KPNA4: variants seen among roughly 807,000 people sequenced by gnomAD.
KPNA4 encodes importin subunit alpha-3.
Under a neutral mutation model 71.3 loss-of-function variants are expected in KPNA4, and 13 were observed. The observed-to-expected ratio is 0.18, with a 90% CI of 0.12 to 0.29. The LOEUF is 0.29. Among genes scored for constraint, KPNA4 ranks in the 10% least tolerant of loss-of-function variants. The pLI, the probability that KPNA4 is intolerant of heterozygous loss-of-function variation, is 1.00. For synonymous variants in KPNA4, 189 were observed against 195.2 expected (o/e 0.97, Z 0.26); for missense variants, 334 against 603.2 (o/e 0.55, Z 4.67).
intron 10 of KPNA4, among the ~76,000 whole-genome samples, chr3:160,522,508 A>AG (rs1416572330): frequency 2.6e-5 from 4 of 151,480 alleles, no homozygotes; most frequent in Non-Finnish European, 5.9e-5. Flanking sequence ...CCCAGGCTGG[A>AG]GTGCAGCAGC....
chr3:160,518,620 G>A (rs928732093), intron 11 of KPNA4, among the ~76,000 whole-genome samples: 4 of 151,516 alleles, frequency 2.6e-5, no homozygotes, highest in Non-Finnish European at 4.4e-5. Context: ...AGCACTTTGG[G>A]AGGCCGAGGC....
rs1381160830 is a variant in KPNA4, at chr3:160,496,576, AT to A, written c.*5527del. 1 of 152,246 alleles carries A rather than the reference AT, an allele frequency of 6.6e-6. No homozygotes were observed. Among genetic ancestry groups the A allele is most frequent in the African/African-American group, 2.4e-5 (1 of 41,470 alleles). The allele number at this position is 152,246 out of a possible 1,614,324, so 9.4% of individuals were successfully genotyped here. A position where few individuals can be genotyped will look rare whatever the true frequency, so the allele number is the denominator to read the frequency against. ...GATATAGTCAGGGAAATTAGGATTC[AT>A]GCTTGAAGAGTAATAGAAAAACCTA... is the stretch of plus-strand genomic sequence containing the variant. On this transcript the variant is annotated 3_prime_UTR_variant, in exon 17 of 17. Coordinates refer to ENST00000334256, the MANE Select transcript of KPNA4 (RefSeq NM_002268.5).
At chr3:160,550,897 G>T (rs1722027111) in intron 1 of KPNA4, among the ~76,000 whole-genome samples, 1 of 152,164 alleles carries the variant, frequency 6.6e-6, no homozygotes, top group Admixed American at 6.5e-5. Flanking sequence ...TGTGCTATTG[G>T]ATTTGGTGCA....
intron 13 of KPNA4, among the ~76,000 whole-genome samples, chr3:160,513,249 G>GTTTTTTTTTT (rs946090860): frequency 3.7e-5 from 3 of 80,626 alleles, no homozygotes; most frequent in Non-Finnish European, 4.6e-5. Context: ...CTACTTTGTG[G>GTTTTTTTTTT]TTTTTTTTTT....
intron 13 of KPNA4, among the ~76,000 whole-genome samples, chr3:160,513,626 T>C (rs1425466692): frequency 2.6e-5 from 4 of 152,160 alleles, no homozygotes; most frequent in Non-Finnish European, 5.9e-5. Flanking sequence ...AGAGATGATA[T>C]GGCATACAAT....
chr3:160,511,375 G>A (rs1002365934), intron 13 of KPNA4, among the ~76,000 whole-genome samples: 1 of 152,162 alleles, frequency 6.6e-6, no homozygotes, highest in African/African-American at 2.4e-5. Context: ...AAAGTGCTGG[G>A]ATTACAGGCG....
chr3:160,515,939 G>A (rs1247083788), intron 11 of KPNA4, among the ~76,000 whole-genome samples: 1 of 151,870 alleles, frequency 6.6e-6, no homozygotes, highest in Non-Finnish European at 1.5e-5. Flanking sequence ...TAAAAGGCAT[G>A]TTAGGTACCT....
At chr3:160,563,148 AATGTGGT>A (rs1722278597) in intron 1 of KPNA4, among the ~76,000 whole-genome samples, 6 of 152,222 alleles carry the variant, frequency 3.9e-5, no homozygotes, top group Admixed American at 6.5e-5. Flanking sequence ...GGATAAATAA[AATGTGGT>A]ATATCCATGA....
chr3:160,551,950 G>C (rs866179414), intron 1 of KPNA4, among the ~76,000 whole-genome samples: 2,642 of 140,300 alleles, frequency 0.019, 128 homozygotes, highest in African/African-American at 0.062. Flanking sequence ...GGGGGGGGGG[G>C]GGTGATGTGC....
chr3:160,561,622 T>C (rs1722247942), intron 1 of KPNA4, among the ~76,000 whole-genome samples: 1 of 152,054 alleles, frequency 6.6e-6, no homozygotes, highest in Non-Finnish European at 1.5e-5. Context: ...TTGAAATCTA[T>C]GAATAACTTT....
rs1720769151 is a variant in KPNA4 at position 160,496,602 on chromosome 3, AAGTG to A, written c.*5498_*5501del. The A allele has an allele frequency of 6.6e-6, 1 of 152,212 alleles. No homozygotes were observed. Among genetic ancestry groups the A allele is most frequent in the Non-Finnish European group, 1.5e-5 (1 of 68,038 alleles). 9.4% of individuals were successfully genotyped at this position (152,212 alleles called of 1,614,324 possible). ...TGCTTGAAGAGTAATAGAAAAACCTAAGTGAAACAGGTTATTGGAATTTTCTTTA... is the reference window on the plus strand; with the variant it reads ...TGCTTGAAGAGTAATAGAAAAACCTAAAACAGGTTATTGGAATTTTCTTTA... On this transcript the variant is annotated 3_prime_UTR_variant, in exon 17 of 17. Coordinates refer to ENST00000334256, the MANE Select transcript of KPNA4 (RefSeq NM_002268.5).
At chr3:160,560,100 C>G (rs1722211595) in intron 1 of KPNA4, among the ~76,000 whole-genome samples, 1 of 152,092 alleles carries the variant, frequency 6.6e-6, no homozygotes, top group African/African-American at 2.4e-5. Context: ...TATTATACCC[C>G]GTGGACTATG....
intron 16 of KPNA4, among the ~76,000 whole-genome samples, chr3:160,504,201 T>C (rs1720938410): frequency 6.6e-6 from 1 of 152,242 alleles, no homozygotes. Context: ...TTTCTAATAT[T>C]GTCCTTGTCA....
At chr3:160,552,895 T>C (rs1287238096) in intron 1 of KPNA4, among the ~76,000 whole-genome samples, 2 of 152,080 alleles carry the variant, frequency 1.3e-5, no homozygotes, top group Non-Finnish European at 2.9e-5. Context: ...GGACCAAATT[T>C]GGTATGGCCT....
intron 1 of KPNA4, among the ~76,000 whole-genome samples, chr3:160,544,417 T>C (rs1299834782): frequency 6.6e-6 from 1 of 152,200 alleles, no homozygotes; most frequent in Admixed American, 6.5e-5. Flanking sequence ...CAAACACATA[T>C]ATAAGTTTTA....
intron 1 of KPNA4, among the ~76,000 whole-genome samples, chr3:160,554,440 A>T (rs1021206957): frequency 1.3e-5 from 2 of 152,334 alleles, no homozygotes; most frequent in Admixed American, 6.5e-5. Context: ...TATCCTGGAC[A>T]TTTCATATTG....
chr3:160,565,331 C>T lies in KPNA4; in HGVS notation c.-49G>A. 6.8e-7 allele frequency: 1 copy of T among 1,473,748 alleles called. No homozygotes were observed. The highest frequency in any genetic ancestry group is 1.2e-5 in the South Asian group (1 of 82,368). 91.3% of individuals were successfully genotyped at this position (1,473,748 alleles called of 1,614,324 possible). A position where few individuals can be genotyped will look rare whatever the true frequency, so the allele number is the denominator to read the frequency against. On this transcript the variant is annotated 5_prime_UTR_variant, in exon 1 of 17. Coordinates refer to ENST00000334256, the MANE Select transcript of KPNA4 (RefSeq NM_002268.5). ...CCGCCCGGGCCCCGCGGGATCCGCC[C>T]CAACCAACGCGCCGCACCGACACTC... is the stretch of plus-strand genomic sequence containing the variant.
chr3:160,518,459 T>C (rs903502974), intron 11 of KPNA4, among the ~76,000 whole-genome samples: 29 of 151,574 alleles, frequency 1.9e-4, no homozygotes, highest in African/African-American at 7.0e-4. Flanking sequence ...GCATGTAGTA[T>C]GAAGTGGGGT....
At chr3:160,557,634 G>T (rs145281990) in intron 1 of KPNA4, among the ~76,000 whole-genome samples, 4 of 152,030 alleles carry the variant, frequency 2.6e-5, no homozygotes, top group African/African-American at 9.7e-5. Context: ...AATTTTGTCC[G>T]AATAGTAAAT....
Sources: gnomAD v4.1 joint callset for allele counts (sites outside exome capture counted in the v4.1 genomes callset) on GRCh38, gnomAD v4.1.1 for gene constraint, MANE v1.5 for transcripts, NCBI Gene and HGNC (gene_info 2026-07-23, HGNC 2026-07-21) for gene names.